MACROD2: variants seen among roughly 807,000 people sequenced by gnomAD.
MACROD2 encodes the protein mono-ADP ribosylhydrolase 2, also known as ADP-ribose glycohydrolase MACROD2.
A neutral mutation model predicts 70.4 loss-of-function variants in MACROD2; 36 were observed. The ratio of observed to expected loss-of-function variants is 0.51; its 90% CI spans 0.39 to 0.68. The LOEUF (loss-of-function observed/expected upper bound fraction) is 0.68. Among genes scored for constraint, MACROD2 ranks in the 30% least tolerant of loss-of-function variants. MACROD2 has a pLI of 0.00. For missense variants in MACROD2, 496 were observed against 538.4 expected, an observed-to-expected ratio of 0.92 and a Z score of 0.78; for synonymous variants, 172 against 178.8, an observed-to-expected ratio of 0.96 and a Z score of 0.30.
chr20:15,416,904 A>C (rs962091118), intron 6 of MACROD2, among the ~76,000 whole-genome samples: 3 of 138,660 alleles, frequency 2.2e-5, no homozygotes, highest in Non-Finnish European at 5.0e-5. Flanking sequence ...CTCCGTCTCA[A>C]AAAAAAAAAG....
chr20:14,759,507 C>A (rs1304202817), intron 5 of MACROD2, among the ~76,000 whole-genome samples: 1 of 151,998 alleles, frequency 6.6e-6, no homozygotes. Context: ...ATAAGTTAGT[C>A]ATTTAGAATG....
chr20:14,325,692 C>T (rs766612204), intron 3 of MACROD2: 9 of 1,613,872 alleles, frequency 5.6e-6, no homozygotes, highest in South Asian at 2.2e-5. Context: ...ACTCCTCCTT[C>T]GAGATGGGTT....
chr20:15,693,044 C>T (rs183339164), intron 8 of MACROD2, among the ~76,000 whole-genome samples: 11 of 152,268 alleles, frequency 7.2e-5, no homozygotes, highest in East Asian at 3.9e-4. Context: ...CTTTGCCCTC[C>T]GCCATGATTG....
At chr20:15,903,723 A>C (rs1199747038) in intron 10 of MACROD2, among the ~76,000 whole-genome samples, 1 of 152,244 alleles carries the variant, frequency 6.6e-6, no homozygotes, top group African/African-American at 2.4e-5. Flanking sequence ...ATGGGAAGAG[A>C]GCATTTTAAG....
intron 5 of MACROD2, among the ~76,000 whole-genome samples, chr20:14,883,653 T>G (rs1247512927): frequency 6.6e-6 from 1 of 152,112 alleles, no homozygotes; most frequent in East Asian, 1.9e-4. Flanking sequence ...CTTTCCTACC[T>G]GGCTGCATCT....
intron 8 of MACROD2, among the ~76,000 whole-genome samples, chr20:15,501,709 A>T (rs2047367070): frequency 6.6e-6 from 1 of 152,196 alleles, no homozygotes; most frequent in African/African-American, 2.4e-5. Flanking sequence ...TTCCCTTTTA[A>T]AAAAGACCCC....
rs535327091 is a variant in MACROD2, at chr20:15,215,959, G to C, written c.419-13981G>C. Among the ~76,000 whole-genome samples, 18 of 152,164 alleles carry C rather than the reference G, an allele frequency of 1.2e-4. 1 individual carries two copies. The South Asian group carries it at 3.5e-3, about 30-fold the overall frequency. On this transcript the variant is annotated intron_variant, in intron 5 of 17. Coordinates refer to ENST00000684519, the MANE Select transcript of MACROD2 (RefSeq NM_001351661.2). ...TCAAAGGAAATGAGATTTACTCCTA[G>C]ACATATAAACTCGCCTATTAAGAGT... is the stretch of plus-strand genomic sequence containing the variant.
At chr20:15,304,332 T>C (rs1568707787) in intron 6 of MACROD2, among the ~76,000 whole-genome samples, 1 of 152,188 alleles carries the variant, frequency 6.6e-6, no homozygotes. Flanking sequence ...TTTTATTTGC[T>C]TCCCATACAG....
intron 3 of MACROD2, among the ~76,000 whole-genome samples, chr20:14,273,627 C>G (rs1215610719): frequency 1.4e-5 from 2 of 147,198 alleles, no homozygotes; most frequent in Non-Finnish European, 3.0e-5. Context: ...TAGCAGAAGG[C>G]AAGAAATAAC....
intron 5 of MACROD2, among the ~76,000 whole-genome samples, chr20:15,093,501 C>T (rs981675915): frequency 1.3e-5 from 2 of 152,096 alleles, no homozygotes; most frequent in Non-Finnish European, 2.9e-5. Context: ...CTGCTCTACT[C>T]ATAGGTAAAG....
chr20:14,834,544 G>A (rs2073008099), intron 5 of MACROD2, among the ~76,000 whole-genome samples: 1 of 151,862 alleles, frequency 6.6e-6, no homozygotes, highest in African/African-American at 2.4e-5. Flanking sequence ...GTGTATGATG[G>A]CAATCACAGA....
At chr20:14,312,413 A>C (rs2082575422) in intron 3 of MACROD2, among the ~76,000 whole-genome samples, 1 of 152,188 alleles carries the variant, frequency 6.6e-6, no homozygotes, top group South Asian at 2.1e-4. Context: ...ATAAGAGAAA[A>C]CTGCTCTCCT....
At chr20:15,808,138 C>T (rs1176398553) in intron 8 of MACROD2, among the ~76,000 whole-genome samples, 1 of 152,156 alleles carries the variant, frequency 6.6e-6, no homozygotes, top group Non-Finnish European at 1.5e-5. Context: ...ACAGGAATTG[C>T]TTACTCGGGG....
chr20:14,428,448 T>A (rs2083959828), intron 3 of MACROD2, among the ~76,000 whole-genome samples: 1 of 152,154 alleles, frequency 6.6e-6, no homozygotes, highest in Non-Finnish European at 1.5e-5. Flanking sequence ...AAAATGCCAG[T>A]TGTTTTATGA....
chr20:14,670,889 T>A (rs1216795979), intron 4 of MACROD2, among the ~76,000 whole-genome samples: 1 of 152,112 alleles, frequency 6.6e-6, no homozygotes, highest in Non-Finnish European at 1.5e-5. Context: ...ATGTGGTTAG[T>A]CTTAGGCAGG....
intron 2 of MACROD2, among the ~76,000 whole-genome samples, chr20:14,034,011 G>A (rs1466272755): frequency 2.6e-5 from 4 of 151,040 alleles, no homozygotes; most frequent in South Asian, 2.1e-4. Flanking sequence ...TCGCTCTGTC[G>A]CCCAGGCTGG....
chr20:15,644,406 T>C (rs543244205), intron 8 of MACROD2, among the ~76,000 whole-genome samples: 10 of 152,248 alleles, frequency 6.6e-5, no homozygotes, highest in Admixed American at 2.6e-4. Context: ...TCCTAGTAAT[T>C]GTCAGATGGG....
chr20:14,415,919 T>G (rs147614269), intron 3 of MACROD2, among the ~76,000 whole-genome samples: 1 of 152,184 alleles, frequency 6.6e-6, no homozygotes, highest in Non-Finnish European at 1.5e-5. Flanking sequence ...TTAGAAGTGT[T>G]GAGATCTTTA....
chr20:14,158,046 A>G (rs1330307942), intron 3 of MACROD2, among the ~76,000 whole-genome samples: 1 of 152,200 alleles, frequency 6.6e-6, no homozygotes, highest in Non-Finnish European at 1.5e-5. Flanking sequence ...TCAACAGTGT[A>G]TAAGAGTTCC....
Sources: gnomAD v4.1 joint callset for allele counts (sites outside exome capture counted in the v4.1 genomes callset) on GRCh38, gnomAD v4.1.1 for gene constraint, MANE v1.5 for transcripts, NCBI Gene and HGNC (gene_info 2026-07-23, HGNC 2026-07-21) for gene names.